PRH2: variants seen among roughly 807,000 people sequenced by gnomAD.
PRH2 encodes salivary acidic proline-rich phosphoprotein 1/2.
PRH2 carries 19 observed loss-of-function variants against 22.6 expected under a neutral mutation model. That is an observed-to-expected ratio of 0.84 (90% CI 0.59 to 1.23). The LOEUF is 1.23. Among genes scored for constraint, PRH2 ranks in the 50% most tolerant of loss-of-function variants. The pLI is 0.00. For missense variants in PRH2, 109 were observed against 203.0 expected (o/e 0.54, Z 2.81); for synonymous variants, 45 against 72.0 (o/e 0.63, Z 1.90).
At position 10,934,747 on chromosome 12, in the gene PRH2, C is replaced by T. The variant is rs1950262394; in HGVS notation, c.*2540C>T. Among the ~76,000 whole-genome samples, 1 of 152,064 alleles carries T rather than the reference C, an allele frequency of 6.6e-6. No individual in the cohort carries two copies. The highest frequency in any genetic ancestry group is 2.4e-5 in the African/African-American group (1 of 41,420). On this transcript the variant is annotated 3_prime_UTR_variant, in exon 4 of 4. Coordinates refer to ENST00000396400, the MANE Select transcript of PRH2 (RefSeq NM_001110213.1). Reference sequence around the variant, plus strand: ...AGCTATCTGCATTCTGATCCAGATACTGTATGTTCTTAACATAAAGTGAAA... The same window carrying T: ...AGCTATCTGCATTCTGATCCAGATATTGTATGTTCTTAACATAAAGTGAAA...
Position 10,932,833 on chromosome 12 carries a change from TG to T in PRH2, c.*627del, listed in dbSNP as rs1005911847. On this transcript the variant is annotated 3_prime_UTR_variant, in exon 4 of 4. Transcript: ENST00000396400. ...AAGGGCAATTGCGTGTGAAAATTGATGTGACTTGATTTACACAATAGTCAGA... is the reference window on the plus strand; with the variant it reads ...AAGGGCAATTGCGTGTGAAAATTGATTGACTTGATTTACACAATAGTCAGA... Among the ~76,000 whole-genome samples the T allele has an allele frequency of 2.0e-4, 31 of 152,280 alleles. No homozygotes were observed. The highest frequency in any genetic ancestry group is 6.7e-4 in the African/African-American group (28 of 41,574).
intron 2 of PRH2, 147 bp downstream of exon 2, chr12:10,930,451 T>G: frequency 2.7e-6 from 4 of 1,458,114 alleles, no homozygotes; most frequent in Non-Finnish European, 3.7e-6. Flanking sequence ...CAACCTTGAT[T>G]CTGGGGACCA....
chr12:10,932,072 G>T (rs1267057300), intron 3 of PRH2, among the ~76,000 whole-genome samples, 154 bp from the exon 4 acceptor site: 2 of 152,218 alleles, frequency 1.3e-5, no homozygotes, highest in East Asian at 3.8e-4. Flanking sequence ...CATAGAAAGT[G>T]TGAACAAAGA....
At chr12:10,930,331 C>A (rs753586117) in intron 2 of PRH2, 27 bp downstream of exon 2, 1 of 1,603,568 alleles carries the variant, frequency 6.2e-7, no homozygotes, top group South Asian at 1.1e-5. Context: ...TCTCAGTAAA[C>A]TCTGTCTCCA....
Position 10,932,551 on chromosome 12 carries a change from A to C in PRH2, c.*344A>C, listed in dbSNP as rs1950229099. 1.3e-5 allele frequency among the ~76,000 whole-genome samples: 2 copies of C among 152,204 alleles called. 1 individual carries two copies. Among genetic ancestry groups the C allele is most frequent in the African/African-American group, 4.8e-5 (2 of 41,458 alleles). On this transcript the variant is annotated 3_prime_UTR_variant, in exon 4 of 4. Transcript: ENST00000396400. ...AATTATTTTCAGGTCATTTCCTGAT[A>C]GTCTAGTCAGCTTATGAATGTAAGC...
chr12:10,931,404 A>C (rs1156681433), intron 3 of PRH2, among the ~76,000 whole-genome samples: 2 of 152,126 alleles, frequency 1.3e-5, no homozygotes, highest in African/African-American at 4.8e-5. Context: ...TTAAAGTTTT[A>C]CCTGAACACT....
rs1458110326 is a variant in PRH2, at chr12:10,932,282, C to T, written c.*75C>T. ...TGCCTTGAAACATAATGTGATCATGCTCTAACTTCAATATACCAATAAAAT... is the reference window on the plus strand; with the variant it reads ...TGCCTTGAAACATAATGTGATCATGTTCTAACTTCAATATACCAATAAAAT... On this transcript the variant is annotated 3_prime_UTR_variant, in exon 4 of 4. Coordinates refer to ENST00000396400, the MANE Select transcript of PRH2 (RefSeq NM_001110213.1). The T allele has an allele frequency of 2.4e-6, 1 of 408,622 alleles. No individual in the cohort carries two copies. The highest frequency in any genetic ancestry group is 2.4e-5 in the Admixed American group (1 of 41,880). The allele number at this position is 408,622 out of a possible 1,614,324, so 25.3% of individuals were successfully genotyped here. A position where few individuals can be genotyped will look rare whatever the true frequency, so the allele number is the denominator to read the frequency against.
rs999400181 is a variant in PRH2 at position 10,933,645 on chromosome 12, T to C, written c.*1438T>C. On this transcript the variant is annotated 3_prime_UTR_variant, in exon 4 of 4. Transcript: ENST00000396400. Reference sequence around the variant, plus strand: ...CAAAAGATGCCAACGTTGTCTTTGATAATATTTAATATATTTTTTAAAAAA... The same window carrying C: ...CAAAAGATGCCAACGTTGTCTTTGACAATATTTAATATATTTTTTAAAAAA... Among the ~76,000 whole-genome samples the C allele has an allele frequency of 6.6e-6, 1 of 152,082 alleles. No homozygotes were observed. The highest frequency in any genetic ancestry group is 2.4e-5 in the African/African-American group (1 of 41,452).
intron 3 of PRH2, 187 bp downstream of exon 3, chr12:10,931,267 A>G: frequency 7.8e-7 from 1 of 1,279,114 alleles, no homozygotes; most frequent in Non-Finnish European, 1.1e-6. Context: ...CTTGAAGGCA[A>G]TTCCAATTTT....
Position 10,929,331 on chromosome 12 carries a change from G to C in PRH2, c.58G>C (p.Asp20His). 2 of 1,614,148 alleles carry C rather than the reference G, an allele frequency of 1.2e-6. No individual in the cohort carries two copies. Among genetic ancestry groups the C allele is most frequent in the Non-Finnish European group, 1.7e-6 (2 of 1,180,020 alleles). The change falls in exon 1 of 4, where the codon GAT (aspartate) becomes CAT (histidine). Residue 20 changes from aspartate to histidine, a missense_variant. Coordinates refer to ENST00000396400, the MANE Select transcript of PRH2 (RefSeq NM_001110213.1). ...LLAFSSAQDL[D>H]EDVSQEDVPL... ...GGCCTTCAGCTCAGCTCAGGACTTA[G>C]ATGAAGGTAAGCCGAATTGGGGGAA... is the stretch of plus-strand genomic sequence containing the variant.
chr12:10,933,041 A>T lies in PRH2; in HGVS notation c.*834A>T, dbSNP rs554648553. On this transcript the variant is annotated 3_prime_UTR_variant, in exon 4 of 4. Coordinates refer to ENST00000396400, the MANE Select transcript of PRH2 (RefSeq NM_001110213.1). ...AATGATTCATAAATTTTGAACTAAC[A>T]GTAATAACTTCTTGAAAATCCAATA... Among the ~76,000 whole-genome samples, 2 of 152,170 alleles carry T rather than the reference A, an allele frequency of 1.3e-5. No homozygotes were observed. Among genetic ancestry groups the T allele is most frequent in the Admixed American group, 6.5e-5 (1 of 15,272 alleles).
In PRH2 at chr12:10,929,319, G is replaced by T. The variant is rs1288031009; in HGVS notation, c.46G>T (p.Ala16Ser). ...LSVALLAFSS[A>S]QDLDEDVSQE... Reference sequence around the variant, plus strand: ...AGTGGCCCTGCTGGCCTTCAGCTCAGCTCAGGACTTAGATGAAGGTAAGCC... The same window carrying T: ...AGTGGCCCTGCTGGCCTTCAGCTCATCTCAGGACTTAGATGAAGGTAAGCC... Residue 16 changes from alanine (A) to serine (S), a missense_variant, in exon 1 of 4, where the codon GCT becomes TCT. By Grantham distance (99) the Ala-to-Ser change is moderately conservative. This residue lies in a region of PRH2 where 54 missense variants were observed against 60.5 expected (regional missense o/e 0.89). Coordinates refer to ENST00000396400, the MANE Select transcript of PRH2 (RefSeq NM_001110213.1). 1.2e-6 allele frequency: 2 copies of T among 1,614,028 alleles called. No individual in the cohort carries two copies. The highest frequency in any genetic ancestry group is 1.3e-5 in the African/African-American group (1 of 74,898).
At chr12:10,931,407 T>C (rs1446209250) in intron 3 of PRH2, among the ~76,000 whole-genome samples, 2 of 152,226 alleles carry the variant, frequency 1.3e-5, no homozygotes, top group Non-Finnish European at 2.9e-5. Flanking sequence ...AAGTTTTACC[T>C]GAACACTCCT....
Position 10,929,403 on chromosome 12 carries a change from G to C in PRH2, c.64+66G>C, listed in dbSNP as rs145266319. 3.3e-3 allele frequency: 5,248 copies of C among 1,588,220 alleles called. 12 individuals are homozygous for C. The highest frequency in any genetic ancestry group is 4.2e-3 in the Non-Finnish European group (4,846 of 1,157,170). On this transcript the variant is annotated intron_variant, in intron 1 of 3. Transcript: ENST00000396400. ...GTTTACGGGCGAATGCTATAGAGGG[G>C]GAAAGTGGAGGGAAGAGAGGAGGAT...
intron 3 of PRH2, 149 bp from the exon 4 acceptor site, chr12:10,932,077 C>A (rs1401700928): frequency 7.8e-6 from 2 of 255,756 alleles, no homozygotes; most frequent in South Asian, 4.2e-5. Context: ...AAAGTGTGAA[C>A]AAAGAAAATG....
At position 10,933,384 on chromosome 12, in the gene PRH2, C is replaced by G. The variant is rs754989709; in HGVS notation, c.*1177C>G. On this transcript the variant is annotated 3_prime_UTR_variant, in exon 4 of 4. Coordinates refer to ENST00000396400, the MANE Select transcript of PRH2 (RefSeq NM_001110213.1). ...CATTAACAGGCAGTCCTTTAGTATG[C>G]TGATTTATACAAAATGCTGAAAAGA... Among the ~76,000 whole-genome samples, 36 of 151,956 alleles carry G rather than the reference C, an allele frequency of 2.4e-4. No individual in the cohort carries two copies. The highest frequency in any genetic ancestry group is 4.3e-4 in the Non-Finnish European group (29 of 67,888).
chr12:10,933,603 A>G lies in PRH2; in HGVS notation c.*1396A>G, dbSNP rs962706348. ...TGGATAATGAAGTCAGCAGAGGAAA[A>G]AAAAATATGACCATCTCAAAAGATG... On this transcript the variant is annotated 3_prime_UTR_variant, in exon 4 of 4. Coordinates refer to ENST00000396400, the MANE Select transcript of PRH2 (RefSeq NM_001110213.1). Among the ~76,000 whole-genome samples, 9 of 152,124 alleles carry G rather than the reference A, an allele frequency of 5.9e-5. No homozygotes were observed. The highest frequency in any genetic ancestry group is 2.2e-4 in the African/African-American group (9 of 41,454).
At chr12:10,931,455 T>G (rs1446096930) in intron 3 of PRH2, among the ~76,000 whole-genome samples, 2 of 152,158 alleles carry the variant, frequency 1.3e-5, no homozygotes, top group African/African-American at 4.8e-5. Flanking sequence ...ACACTAGCAT[T>G]TCAAGTCCAG....
rs2923234 is a variant in PRH2 at position 10,930,685 on chromosome 12, A to C, written c.124A>C (p.Ile42Leu). Reference sequence around the variant, plus strand: ...AGATGGAGGAGACTCTGAGCAGTTCATAGATGAGGAGCGTCAGGGACCACC... The same window carrying C: ...AGATGGAGGAGACTCTGAGCAGTTCCTAGATGAGGAGCGTCAGGGACCACC... ...ISDGGDSEQFIDEERQGPPLG... is the reference protein window; with the variant it reads ...ISDGGDSEQFLDEERQGPPLG... Residue 42 changes from isoleucine to leucine, a missense_variant, in exon 3 of 4, where the codon ATA (isoleucine) becomes CTA (leucine). Physicochemically the swap from Ile to Leu is conservative, Grantham distance 5. This residue lies in a region of PRH2 where 54 missense variants were observed against 60.5 expected (regional missense o/e 0.89). Coordinates refer to ENST00000396400, the MANE Select transcript of PRH2 (RefSeq NM_001110213.1). 8.8e-4 allele frequency: 1,402 copies of C among 1,596,668 alleles called. 8 individuals are homozygous for C. The highest frequency in any genetic ancestry group is 4.3e-3 in the African/African-American group (314 of 73,240).
Sources: gnomAD v4.1 joint callset for allele counts (sites outside exome capture counted in the v4.1 genomes callset) on GRCh38, gnomAD v4.1.1 for gene constraint, gnomAD v4.1.1 regional missense constraint, MANE v1.5 for transcripts, NCBI Gene and HGNC (gene_info 2026-07-23, HGNC 2026-07-21) for gene names.